The following RNGTT variants were observed in gnomAD, a reference collection of about 807,000 sequenced individuals.
The protein encoded by RNGTT is mRNA-capping enzyme.
RNGTT carries 33 observed loss-of-function variants against 79.3 expected under a neutral mutation model. The observed-to-expected ratio is 0.42, with a 90% CI of 0.32 to 0.56. The LOEUF is 0.56. Among genes scored for constraint, RNGTT ranks in the 20% least tolerant of loss-of-function variants. The probability of loss-of-function intolerance (pLI) is 0.17; values close to 1 mark genes in which losing one functional copy is unlikely to be tolerated. For missense variants in RNGTT, 497 were observed against 739.1 expected (o/e 0.67, Z 3.80); for synonymous variants, 222 against 235.9 (o/e 0.94, Z 0.54).
At chr6:88,816,645 T>G (rs1209733198) in intron 11 of RNGTT, among the ~76,000 whole-genome samples, 1 of 152,198 alleles carries the variant, frequency 6.6e-6, no homozygotes, top group Non-Finnish European at 1.5e-5. Flanking sequence ...TTAAATTTAT[T>G]ACTCTTTTGT....
intron 4 of RNGTT, among the ~76,000 whole-genome samples, chr6:88,926,348 A>G (rs9342173): frequency 0.04 from 6,089 of 152,254 alleles, 180 homozygotes; most frequent in African/African-American, 0.074. Flanking sequence ...TTTCTTGCTC[A>G]TAACTTGCAT....
At chr6:88,670,208 A>G (rs997214621) in intron 14 of RNGTT, among the ~76,000 whole-genome samples, 48 of 152,346 alleles carry the variant, frequency 3.2e-4, no homozygotes, top group African/African-American at 1.1e-3. Flanking sequence ...ATGCCTGTGC[A>G]GGTTTGGCAT....
chr6:88,746,799 T>C (rs1420977110), intron 13 of RNGTT, among the ~76,000 whole-genome samples: 2 of 152,200 alleles, frequency 1.3e-5, no homozygotes, highest in Non-Finnish European at 2.9e-5. Context: ...GATTATGTCA[T>C]GGAGAAAAAT....
intron 13 of RNGTT, among the ~76,000 whole-genome samples, chr6:88,712,242 T>C (rs1776343770): frequency 6.6e-6 from 1 of 152,152 alleles, no homozygotes; most frequent in African/African-American, 2.4e-5. Flanking sequence ...AATAATCAAA[T>C]ACTATGGGAC....
chr6:88,678,344 C>CA lies in RNGTT; in HGVS notation c.1506+8dup. On this transcript the variant is annotated intron_variant, in intron 14 of 15. Transcript: ENST00000369485. ...CCAGGAAAAGTACACTGAAAATGAA[C>CA]AAACATACCTTGATTTGTGCAAAGG... 6.3e-7 allele frequency: 1 copy of CA among 1,585,776 alleles called. No homozygotes were observed. The highest frequency in any genetic ancestry group is 2.3e-5 in the East Asian group (1 of 44,110).
chr6:88,805,851 C>T (rs968091766), intron 11 of RNGTT, among the ~76,000 whole-genome samples: 9 of 152,108 alleles, frequency 5.9e-5, no homozygotes, highest in Admixed American at 2.0e-4. Context: ...GAAAGCTAAA[C>T]GTGAAACAGA....
At chr6:88,674,618 T>C (rs1487297471) in intron 14 of RNGTT, among the ~76,000 whole-genome samples, 1 of 152,132 alleles carries the variant, frequency 6.6e-6, no homozygotes, top group Non-Finnish European at 1.5e-5. Context: ...TATTTAGCCT[T>C]AGTCTACTCT....
At chr6:88,843,999 G>A (rs569148974) in intron 11 of RNGTT, among the ~76,000 whole-genome samples, 1 of 150,886 alleles carries the variant, frequency 6.6e-6, no homozygotes, top group East Asian at 2.0e-4. Flanking sequence ...TTTAATAAGA[G>A]TACGTACCAA....
At chr6:88,716,697 C>T (rs551481059) in intron 13 of RNGTT, among the ~76,000 whole-genome samples, 12 of 152,190 alleles carry the variant, frequency 7.9e-5, no homozygotes, top group African/African-American at 2.9e-4. Flanking sequence ...AACCATCATT[C>T]TCAGCAAACT....
intron 8 of RNGTT, among the ~76,000 whole-genome samples, chr6:88,859,176 C>T (rs1781931992): frequency 6.6e-6 from 1 of 151,572 alleles, no homozygotes; most frequent in Non-Finnish European, 1.5e-5. Context: ...GTTTAATCCC[C>T]CCACCCCCAG....
intron 13 of RNGTT, among the ~76,000 whole-genome samples, chr6:88,748,972 T>C (rs1295454686): frequency 6.6e-6 from 1 of 152,010 alleles, no homozygotes; most frequent in Admixed American, 6.6e-5. Context: ...AAAGAAAGGT[T>C]ACCTTTCTTT....
chr6:88,930,200 A>G (rs1221451616), intron 2 of RNGTT, among the ~76,000 whole-genome samples: 2 of 141,782 alleles, frequency 1.4e-5, no homozygotes, highest in Non-Finnish European at 3.0e-5. Flanking sequence ...ATACATAAAC[A>G]TATATACATA....
chr6:88,923,781 CA>C (rs1222735786), intron 4 of RNGTT, among the ~76,000 whole-genome samples: 1 of 152,148 alleles, frequency 6.6e-6, no homozygotes, highest in Non-Finnish European at 1.5e-5. Context: ...GCTAAATCAG[CA>C]AGAGCTATTA....
At chr6:88,918,960 G>A (rs1784081292) in intron 4 of RNGTT, among the ~76,000 whole-genome samples, 1 of 152,136 alleles carries the variant, frequency 6.6e-6, no homozygotes, top group African/African-American at 2.4e-5. Context: ...GTCATGTGAA[G>A]ATATGTAATC....
chr6:88,918,723 A>C (rs1216826449), intron 4 of RNGTT, among the ~76,000 whole-genome samples: 9 of 152,224 alleles, frequency 5.9e-5, no homozygotes, highest in Non-Finnish European at 1.3e-4. Context: ...TGCTTCAAAA[A>C]AGCCACACAA....
intron 13 of RNGTT, among the ~76,000 whole-genome samples, chr6:88,750,729 T>C (rs1188637939): frequency 6.6e-6 from 1 of 152,186 alleles, no homozygotes; most frequent in Non-Finnish European, 1.5e-5. Flanking sequence ...CAGGCTATGC[T>C]TTCTGTCTTG....
chr6:88,960,082 T>G (rs1785566230), intron 1 of RNGTT, among the ~76,000 whole-genome samples: 1 of 152,224 alleles, frequency 6.6e-6, no homozygotes, highest in African/African-American at 2.4e-5. Flanking sequence ...AGAATTAGGT[T>G]TATTACCTCT....
At chr6:88,793,527 C>A (rs1255019578) in intron 12 of RNGTT, among the ~76,000 whole-genome samples, 1 of 152,088 alleles carries the variant, frequency 6.6e-6, no homozygotes, top group Non-Finnish European at 1.5e-5. Context: ...ATAATCTTAA[C>A]AACTTAGGAG....
chr6:88,841,584 C>G (rs1781290371), intron 11 of RNGTT, among the ~76,000 whole-genome samples: 1 of 152,128 alleles, frequency 6.6e-6, no homozygotes, highest in South Asian at 2.1e-4. Context: ...TTCAAATGCC[C>G]TAAACCAGGC....
Sources: gnomAD v4.1 joint callset for allele counts (sites outside exome capture counted in the v4.1 genomes callset) on GRCh38, gnomAD v4.1.1 for gene constraint, MANE v1.5 for transcripts, NCBI Gene and HGNC (gene_info 2026-07-23, HGNC 2026-07-21) for gene names.